COL25A1: variants seen among roughly 807,000 people sequenced by gnomAD.
COL25A1 encodes collagen alpha-1(XXV) chain.
COL25A1 carries 103 observed loss-of-function variants against 128.4 expected under a neutral mutation model. The ratio of observed to expected loss-of-function variants is 0.80; its 90% confidence interval spans 0.68 to 0.94. COL25A1 has a LOEUF of 0.94. COL25A1 is among the 40% of genes least tolerant of loss of function. The pLI, the probability that COL25A1 is intolerant of heterozygous loss-of-function variation, is 0.00. For missense variants in COL25A1, 745 were observed against 840.0 expected, an observed-to-expected ratio of 0.89 and a Z score of 1.40; for synonymous variants, 279 against 277.2, an observed-to-expected ratio of 1.01 and a Z score of -0.06.
chr4:108,952,190 T>C (rs552591315), intron 8 of COL25A1, among the ~76,000 whole-genome samples: 36 of 152,302 alleles, frequency 2.4e-4, no homozygotes, highest in African/African-American at 8.4e-4. Flanking sequence ...AAATCTACTT[T>C]TATGATTTCA....
At chr4:109,106,624 G>C (rs3108931) in intron 3 of COL25A1, among the ~76,000 whole-genome samples, 32,123 of 151,822 alleles carry the variant, frequency 0.21, 4,007 homozygotes, top group East Asian at 0.39. Flanking sequence ...GCATTTGTGT[G>C]TATATCTTAC....
At chr4:108,915,010 T>A (rs1744702255) in intron 13 of COL25A1, among the ~76,000 whole-genome samples, 1 of 152,212 alleles carries the variant, frequency 6.6e-6, no homozygotes, top group South Asian at 2.1e-4. Context: ...CTCTCTCAGA[T>A]GCAGAGACCA....
intron 3 of COL25A1, among the ~76,000 whole-genome samples, chr4:109,057,311 A>AGGCT (rs1761534399): frequency 6.6e-6 from 1 of 151,512 alleles, no homozygotes; most frequent in South Asian, 2.1e-4. Flanking sequence ...TCTGTCACCC[A>AGGCT]GGCTGGAGAG....
intron 3 of COL25A1, among the ~76,000 whole-genome samples, chr4:109,298,220 C>A (rs1725177851): frequency 1.3e-5 from 2 of 152,004 alleles, no homozygotes; most frequent in South Asian, 4.1e-4. Flanking sequence ...AAAAATTGTC[C>A]TTTTCATCTC....
At chr4:109,060,326 C>T (rs1229364853) in intron 3 of COL25A1, among the ~76,000 whole-genome samples, 1 of 152,126 alleles carries the variant, frequency 6.6e-6, no homozygotes, top group Non-Finnish European at 1.5e-5. Flanking sequence ...TTTCAGCCTA[C>T]AGTCCAGCCC....
chr4:108,865,152 G>C (rs1477061958), intron 20 of COL25A1, among the ~76,000 whole-genome samples: 1 of 151,870 alleles, frequency 6.6e-6, no homozygotes, highest in African/African-American at 2.4e-5. Flanking sequence ...TTGCATAAGG[G>C]GTAGAATTTC....
At chr4:109,119,915 G>A (rs895147950) in intron 3 of COL25A1, among the ~76,000 whole-genome samples, 5 of 152,026 alleles carry the variant, frequency 3.3e-5, no homozygotes, top group Non-Finnish European at 7.4e-5. Context: ...ATTCAACAAT[G>A]TATAAAAATA....
intron 5 of COL25A1, among the ~76,000 whole-genome samples, chr4:109,045,088 A>G (rs2125933887): frequency 6.6e-6 from 1 of 152,296 alleles, no homozygotes; most frequent in African/African-American, 2.4e-5. Context: ...ACTTCTACTT[A>G]ATGAATAGTA....
In COL25A1 at chr4:108,810,010, A is replaced by G. The variant is rs568902722; in HGVS notation, c.*3917T>C. The G allele has an allele frequency of 1.3e-5, 2 of 152,064 alleles. No homozygotes were observed. Among genetic ancestry groups the G allele is most frequent in the South Asian group, 2.1e-4 (1 of 4,832 alleles). 9.4% of individuals were successfully genotyped at this position (152,064 alleles called of 1,614,324 possible). ...TAGTGTGAAATATTAATATAATTTG[A>G]TTATTAGGAAGTAAGAAAAAACAAG... On this transcript the variant is annotated 3_prime_UTR_variant, in exon 38 of 38. Transcript: ENST00000399132.
In COL25A1 at chr4:109,198,998, G is replaced by A. The variant is rs567999677; in HGVS notation, c.367+101585C>T. ...ATAGCAGGGAATATTTTAACATGGA[G>A]GTGCACAGGTAGAAGGAGATAAACT... On this transcript the variant is annotated intron_variant, in intron 3 of 37. Transcript: ENST00000399132. Among the ~76,000 whole-genome samples, 1,291 of 152,268 alleles carry A rather than the reference G, an allele frequency of 8.5e-3. 57 individuals carry two copies. In the South Asian group the frequency reaches 0.14, roughly 16 times the overall value.
intron 3 of COL25A1, among the ~76,000 whole-genome samples, chr4:109,128,900 G>A (rs564816295): frequency 1.3e-5 from 2 of 152,282 alleles, no homozygotes; most frequent in East Asian, 1.9e-4. Flanking sequence ...TATGAAGCAC[G>A]TTGTGTTATA....
chr4:108,959,042 T>C (rs1316447316), intron 8 of COL25A1, among the ~76,000 whole-genome samples: 1 of 152,104 alleles, frequency 6.6e-6, no homozygotes, highest in Non-Finnish European at 1.5e-5. Flanking sequence ...ATGGACTCTG[T>C]CATCATAACA....
At position 109,053,141 on chromosome 4, in the gene COL25A1, C is replaced by G. The variant is rs560280382; in HGVS notation, c.368-2962G>C. On this transcript the variant is annotated intron_variant, in intron 3 of 37. Coordinates refer to ENST00000399132, the MANE Select transcript of COL25A1 (RefSeq NM_198721.4). ...TCAATGAAGAATGAATTACAGAAAA[C>G]AGAGAGAGACGACAAAACCAGATTG... Among the ~76,000 whole-genome samples the G allele has an allele frequency of 4.6e-5, 7 of 152,188 alleles. No homozygotes were observed. The South Asian group carries it at 1.0e-3, about 23-fold the overall frequency.
chr4:109,065,922 T>G (rs1305257148), intron 3 of COL25A1, among the ~76,000 whole-genome samples: 1 of 152,172 alleles, frequency 6.6e-6, no homozygotes, highest in African/African-American at 2.4e-5. Flanking sequence ...ACTACCCTTT[T>G]GTAGTAGTAA....
intron 5 of COL25A1, among the ~76,000 whole-genome samples, chr4:109,024,456 A>C (rs1333733284): frequency 6.6e-6 from 1 of 152,058 alleles, no homozygotes; most frequent in Non-Finnish European, 1.5e-5. Context: ...ATTTATTCAG[A>C]CATATGGTTA....
At chr4:108,863,960 G>A (rs1377795988) in intron 20 of COL25A1, among the ~76,000 whole-genome samples, 3 of 152,038 alleles carry the variant, frequency 2.0e-5, no homozygotes, top group African/African-American at 2.4e-5. Context: ...CCATGCTACC[G>A]TCAACCCAGG....
At chr4:108,983,332 T>C (rs2126000123) in intron 6 of COL25A1, among the ~76,000 whole-genome samples, 1 of 152,318 alleles carries the variant, frequency 6.6e-6, no homozygotes, top group South Asian at 2.1e-4. Flanking sequence ...CAGCTAATGG[T>C]GCAATCTACC....
chr4:109,062,908 A>G (rs1345369463), intron 3 of COL25A1, among the ~76,000 whole-genome samples: 1 of 152,228 alleles, frequency 6.6e-6, no homozygotes, highest in African/African-American at 2.4e-5. Context: ...TGAATATTTT[A>G]TGCTGAGATA....
chr4:108,950,351 C>T (rs1259683237), intron 8 of COL25A1, among the ~76,000 whole-genome samples: 2 of 152,228 alleles, frequency 1.3e-5, no homozygotes, highest in South Asian at 2.1e-4. Context: ...GGCCATGTGA[C>T]GTGCCAGATA....
Sources: allele counts gnomAD v4.1 joint callset (sites outside exome capture counted in the v4.1 genomes callset), GRCh38; gene constraint gnomAD v4.1.1; transcripts MANE v1.5; gene names NCBI Gene and HGNC (gene_info 2026-07-23, HGNC 2026-07-21).